CDKL1: variants seen among roughly 807,000 people sequenced by gnomAD.
CDKL1 encodes cyclin-dependent kinase-like 1.
CDKL1 carries 41 observed loss-of-function variants against 42.0 expected under a neutral mutation model. That is an observed-to-expected ratio of 0.98 (90% CI 0.76 to 1.27). The LOEUF (loss-of-function observed/expected upper bound fraction) is 1.27, where lower values mean the gene tolerates loss of function less well. Among genes scored for constraint, CDKL1 ranks in the 50% most tolerant of loss-of-function variants. The pLI, the probability that CDKL1 is intolerant of heterozygous loss-of-function variation, is 0.00. For missense variants in CDKL1, 394 were observed against 428.4 expected, an observed-to-expected ratio of 0.92 and a Z score of 0.71; for synonymous variants, 153 against 158.6, an observed-to-expected ratio of 0.96 and a Z score of 0.26.
At chr14:50,349,749 TTG>T (rs2033840827) in intron 3 of CDKL1, among the ~76,000 whole-genome samples, 1 of 151,780 alleles carries the variant, frequency 6.6e-6, no homozygotes, top group Admixed American at 6.6e-5. Context: ...CTTTTTGTTG[TTG>T]TTGTTGTTGT....
At chr14:50,371,212 C>CAT in intron 2 of CDKL1, among the ~76,000 whole-genome samples, 1 of 152,228 alleles carries the variant, frequency 6.6e-6, no homozygotes, top group East Asian at 1.9e-4. Context: ...TTGCAATGAA[C>CAT]ATAGGAGGGC....
chr14:50,356,372 T>C (rs2034057030), intron 3 of CDKL1, among the ~76,000 whole-genome samples: 1 of 152,232 alleles, frequency 6.6e-6, no homozygotes, highest in Non-Finnish European at 1.5e-5. Context: ...CTAACTCACC[T>C]TTACTGTGAA....
intron 2 of CDKL1, among the ~76,000 whole-genome samples, chr14:50,393,117 CT>C (rs1442677083): frequency 6.6e-6 from 1 of 152,184 alleles, no homozygotes; most frequent in East Asian, 1.9e-4. Flanking sequence ...GATAGAGTGT[CT>C]GCCTGAAATG....
Position 50,330,052 on chromosome 14 carries a change from A to T in CDKL1, c.*22T>A, listed in dbSNP as rs1319867738. 6.3e-6 allele frequency: 10 copies of T among 1,599,654 alleles called. No individual in the cohort carries two copies. The highest frequency in any genetic ancestry group is 7.6e-6 in the Non-Finnish European group (9 of 1,176,648). ...CAAAGCATCTATTGATTCCTTTTTT[A>T]AAATCATGTCTCCTAGCTCCTTTAA... On this transcript the variant is annotated 3_prime_UTR_variant, in exon 10 of 10. Coordinates refer to ENST00000395834, the MANE Select transcript of CDKL1 (RefSeq NM_004196.7).
rs112034799 is a variant in CDKL1, at chr14:50,326,861, T to C, written c.*3213A>G. On this transcript the variant is annotated 3_prime_UTR_variant, in exon 10 of 10. Transcript: ENST00000395834. ...TTTGAGACCAATTTGGGCAACACAG[T>C]GAGACCCCATCTCTAAAAAAATTTT... 31 of 599,302 alleles carry C rather than the reference T, an allele frequency of 5.2e-5. No individual in the cohort carries two copies. The African/African-American group carries it at 5.6e-4, about 11-fold the overall frequency. 37.1% of individuals were successfully genotyped at this position (599,302 alleles called of 1,614,324 possible).
chr14:50,346,753 C>A (rs896548997), intron 3 of CDKL1, among the ~76,000 whole-genome samples: 1 of 147,004 alleles, frequency 6.8e-6, no homozygotes, highest in Admixed American at 7.0e-5. Context: ...CAGGTTCAAG[C>A]GATTCTCCTG....
chr14:50,330,210 C>T (rs1355393583), intron 9 of CDKL1, 29 bp from the exon 10 acceptor site: 1 of 1,585,534 alleles, frequency 6.3e-7, no homozygotes, highest in Admixed American at 2.0e-5. Flanking sequence ...GAATTAGGTT[C>T]AAAACTGTGC....
chr14:50,384,300 A>G (rs2035008895), intron 2 of CDKL1, among the ~76,000 whole-genome samples: 1 of 152,370 alleles, frequency 6.6e-6, no homozygotes, highest in South Asian at 2.1e-4. Context: ...TATATGGCAA[A>G]CATTATCTGC....
At chr14:50,372,896 A>AT (rs35841810) in intron 2 of CDKL1, among the ~76,000 whole-genome samples, 61,108 of 149,488 alleles carry the variant, frequency 0.41, 12,625 homozygotes, top group East Asian at 0.63. Context: ...AATGTGTCTA[A>AT]TTTTTTTTTT....
intron 2 of CDKL1, among the ~76,000 whole-genome samples, chr14:50,382,930 GTTT>G (rs35801058): frequency 1.1e-4 from 15 of 140,958 alleles, no homozygotes; most frequent in East Asian, 6.6e-4. Flanking sequence ...ACAGTTTTTT[GTTT>G]TTTTTTTTTT....
At chr14:50,332,925 G>GTTTTTTTTTTT (rs1566570801) in intron 8 of CDKL1, 1 of 351,684 alleles carries the variant, frequency 2.8e-6, no homozygotes, top group Non-Finnish European at 5.0e-6. Flanking sequence ...TTTTTTTTTG[G>GTTTTTTTTTTT]TGTATCCCTC....
chr14:50,393,242 G>A (rs2035309265), intron 2 of CDKL1, among the ~76,000 whole-genome samples: 1 of 152,118 alleles, frequency 6.6e-6, no homozygotes, highest in African/African-American at 2.4e-5. Flanking sequence ...ACCAGGCAAG[G>A]GTACACATGC....
chr14:50,330,581 T>G (rs1434782173), intron 9 of CDKL1: 2 of 187,764 alleles, frequency 1.1e-5, no homozygotes, highest in African/African-American at 4.8e-5. Context: ...TCTCTTCCCT[T>G]AGTTAAAAAG....
Position 50,392,492 on chromosome 14 carries a change from G to A in CDKL1, c.168+3209C>T, listed in dbSNP as rs111565177. Among the ~76,000 whole-genome samples the A allele has an allele frequency of 8.5e-5, 9 of 106,042 alleles. No homozygotes were observed. In the East Asian group the frequency reaches 1.0e-3, roughly 12 times the overall value. The allele number at this position is 106,042 out of a possible 152,430, so 69.6% of individuals were successfully genotyped here. ...TAATAATAATAATAATAATAATAAT[G>A]AAAGAACATTGTTCTATGGGGTTTC... On this transcript the variant is annotated intron_variant, in intron 2 of 9. Transcript: ENST00000395834.
Position 50,341,461 on chromosome 14 carries a change from G to T in CDKL1, c.455-229C>A, listed in dbSNP as rs955296661. ...CAGAATCCCTGGGGAGGGTCTGGGGGGGGGGGGGGGGTTATTTGGCTTAGA... is the reference window on the plus strand; with the variant it reads ...CAGAATCCCTGGGGAGGGTCTGGGGTGGGGGGGGGGGTTATTTGGCTTAGA... On this transcript the variant is annotated intron_variant, in intron 5 of 9. Coordinates refer to ENST00000395834, the MANE Select transcript of CDKL1 (RefSeq NM_004196.7). 2.2e-3 allele frequency among the ~76,000 whole-genome samples: 181 copies of T among 80,844 alleles called. 3 individuals are homozygous for T. Among genetic ancestry groups the T allele is most frequent in the Middle Eastern group, 0.02 (3 of 150 alleles). The allele number at this position is 80,844 out of a possible 152,430, so 53.0% of individuals were successfully genotyped here.
intron 2 of CDKL1, among the ~76,000 whole-genome samples, chr14:50,368,307 A>C (rs2034487813): frequency 6.6e-6 from 1 of 151,742 alleles, no homozygotes; most frequent in African/African-American, 2.4e-5. Context: ...CCCAGGCTGG[A>C]GTGCAGTGGC....
At position 50,330,130 on chromosome 14, in the gene CDKL1, TATC is replaced by T. The variant is rs552890441; in HGVS notation, c.1015_1017del (p.Asp339del). On this transcript the variant is annotated inframe_deletion, in exon 10 of 10. Transcript: ENST00000395834. ...TTGGTATCACAGTAGTACTTCTTAT[TATC>T]CAAAGCTGGAAGGATGCTGCTGCCA... 7.4e-4 allele frequency: 1,189 copies of T among 1,607,720 alleles called. 1 individual carries two copies. Among genetic ancestry groups the T allele is most frequent in the Non-Finnish European group, 8.9e-4 (1,053 of 1,178,756 alleles).
upstream of CDKL1, chr14:50,397,245 C>T (rs758744208): frequency 7.3e-7 from 1 of 1,366,600 alleles, no homozygotes; most frequent in Non-Finnish European, 9.8e-7. Flanking sequence ...TCCCTTTGGT[C>T]CCTTGGAGGC....
At chr14:50,332,858 TCTC>T in intron 8 of CDKL1, 1 of 505,266 alleles carries the variant, frequency 2.0e-6, no homozygotes, top group Non-Finnish European at 3.4e-6. Flanking sequence ...TACAGCAAAG[TCTC>T]CACCACTGTA....
Sources: gnomAD v4.1 joint callset for allele counts (sites outside exome capture counted in the v4.1 genomes callset) on GRCh38, gnomAD v4.1.1 for gene constraint, MANE v1.5 for transcripts, NCBI Gene and HGNC (gene_info 2026-07-23, HGNC 2026-07-21) for gene names.